The following PSCA variants were observed in gnomAD, a reference collection of about 807,000 sequenced individuals.
PSCA encodes prostate stem cell antigen.
A neutral mutation model predicts 7.9 loss-of-function variants in PSCA; 7 were observed. The ratio of observed to expected loss-of-function variants is 0.89; its 90% CI spans 0.51 to 1.67. The LOEUF is 1.67. PSCA is among the 40% of genes most tolerant of loss of function. The pLI is 0.00. For synonymous variants in PSCA, 61 were observed against 68.3 expected (o/e 0.89, Z 0.53); for missense variants, 151 against 147.9 (o/e 1.02, Z -0.11).
At chr8:142,671,522 T>A (rs1554637360) in intron 1 of PSCA, among the ~76,000 whole-genome samples, 1 of 152,174 alleles carries the variant, frequency 6.6e-6, no homozygotes. Flanking sequence ...AGGACAGCAA[T>A]AATAAACAAA....
chr8:142,672,646 T>A (rs1240658999), intron 1 of PSCA, among the ~76,000 whole-genome samples: 1 of 152,302 alleles, frequency 6.6e-6, no homozygotes, highest in East Asian at 1.9e-4. Context: ...CTGGGGTTCA[T>A]TGTCTCACAC....
In PSCA at chr8:142,681,196, C is replaced by A. The variant is rs587604817; in HGVS notation, c.26-131C>A. 71 of 641,512 alleles carry A rather than the reference C, an allele frequency of 1.1e-4. 2 individuals carry two copies. In the South Asian group the frequency reaches 1.3e-3, roughly 12 times the overall value. 39.7% of individuals were successfully genotyped at this position (641,512 alleles called of 1,614,324 possible). ...GGGGGCCGTGAAGATGGGGAGGAGACATTGAGGGTGACAAGAGGGCGCCGA... is the reference window on the plus strand; with the variant it reads ...GGGGGCCGTGAAGATGGGGAGGAGAAATTGAGGGTGACAAGAGGGCGCCGA... On this transcript the variant is annotated intron_variant, in intron 1 of 2. Coordinates refer to ENST00000301258, the MANE Select transcript of PSCA (RefSeq NM_005672.5).
At chr8:142,679,481 G>T (rs1385086529), upstream of PSCA, among the ~76,000 whole-genome samples, 1 of 152,246 alleles carries the variant, frequency 6.6e-6, no homozygotes, top group Non-Finnish European at 1.5e-5. Context: ...AGGGACCATG[G>T]CCTGTGACAC....
intron 1 of PSCA, among the ~76,000 whole-genome samples, chr8:142,670,782 A>G (rs1238954816): frequency 3.3e-5 from 5 of 152,202 alleles, no homozygotes; most frequent in Non-Finnish European, 5.9e-5. Flanking sequence ...TGCAAATGCA[A>G]TGAAGTTAAG....
chr8:142,674,248 T>C (rs1416033334), intron 1 of PSCA, among the ~76,000 whole-genome samples: 3 of 146,236 alleles, frequency 2.1e-5, no homozygotes, highest in Non-Finnish European at 4.5e-5. Context: ...CAGTCTAACC[T>C]CAGCAGAGCT....
At chr8:142,672,288 C>T (rs924421991) in intron 1 of PSCA, among the ~76,000 whole-genome samples, 7 of 151,852 alleles carry the variant, frequency 4.6e-5, no homozygotes, top group Non-Finnish European at 1.0e-4. Flanking sequence ...CCAATCCACA[C>T]CTCTGTGGTC....
rs922435811 is a variant in PSCA at position 142,681,853 on chromosome 8, A to C, written c.134-68A>C. 71 of 1,147,884 alleles carry C rather than the reference A, an allele frequency of 6.2e-5. No homozygotes were observed. In the East Asian group the frequency reaches 7.0e-4, roughly 11 times the overall value. 71.1% of individuals were successfully genotyped at this position (1,147,884 alleles called of 1,614,324 possible). On this transcript the variant is annotated intron_variant, in intron 2 of 2. Transcript: ENST00000301258. ...GCATTAGGCAGGGTGGGACAGGAGG[A>C]GGCCTGGGGCAGGTCAGGCAGGTGA...
At position 142,673,084 on chromosome 8, in the gene PSCA, C is replaced by T. The variant is rs1847354298; in HGVS notation, n.261+2516C>T. ...GCTGGCATTCACGCGTGCAAGCTTC[C>T]AGCTTGCTTGTCTTATGTTTGCGGC... On this transcript the variant is annotated intron_variant and non_coding_transcript_variant, in intron 1 of 1. Transcript: ENST00000505305. This position sits in a 1 kb window ranked among gnomAD's most constrained non-coding sequence, Gnocchi z 4.6. Among the ~76,000 whole-genome samples, 1 of 152,164 alleles carries T rather than the reference C, an allele frequency of 6.6e-6. No individual in the cohort carries two copies. Among genetic ancestry groups the T allele is most frequent in the Admixed American group, 6.5e-5 (1 of 15,278 alleles).
At chr8:142,680,439 C>A, upstream of PSCA, 1 of 1,406,668 alleles carries the variant, frequency 7.1e-7, no homozygotes, top group Non-Finnish European at 9.8e-7. Flanking sequence ...TGACTGTGGG[C>A]AGTCCAGCCT....
intron 1 of PSCA, among the ~76,000 whole-genome samples, chr8:142,674,389 C>G (rs1847372215): frequency 6.7e-6 from 1 of 150,022 alleles, no homozygotes; most frequent in Non-Finnish European, 1.5e-5. Flanking sequence ...CAGCAGAGCT[C>G]AGATCCCCCA....
chr8:142,671,931 C>T (rs1420893792), intron 1 of PSCA, among the ~76,000 whole-genome samples: 1 of 152,096 alleles, frequency 6.6e-6, no homozygotes, highest in Non-Finnish European at 1.5e-5. Context: ...ACTGACCAGG[C>T]CATTCTTTGG....
chr8:142,680,392 C>T, upstream of PSCA: 1 of 910,116 alleles, frequency 1.1e-6, no homozygotes, highest in Non-Finnish European at 1.7e-6. Flanking sequence ...CTGCCCAGCC[C>T]CGGGGCCCTC....
At chr8:142,678,948 ACCAC>A (rs60815595), upstream of PSCA, among the ~76,000 whole-genome samples, 67,230 of 148,678 alleles carry the variant, frequency 0.45, 15,011 homozygotes, top group Admixed American at 0.52. Context: ...AGCCGCTGCC[ACCAC>A]CCACCGCCCA....
upstream of PSCA, chr8:142,675,993 G>C (rs1847396729): frequency 6.6e-6 from 1 of 152,262 alleles, no homozygotes; most frequent in Admixed American, 6.5e-5. Context: ...ATGGGACCGT[G>C]TGGGGCCCCA....
rs1847363529 is a variant in PSCA, at chr8:142,673,783, C to T, written n.261+3215C>T. 6.6e-6 allele frequency among the ~76,000 whole-genome samples: 1 copy of T among 152,304 alleles called. No individual in the cohort carries two copies. Among genetic ancestry groups the T allele is most frequent in the South Asian group, 2.1e-4 (1 of 4,826 alleles). ...GGCCTCGCTAGAGCCATCCATCAGTCATTAGACGTGCAAAAACCTGAAACG... is the reference window on the plus strand; with the variant it reads ...GGCCTCGCTAGAGCCATCCATCAGTTATTAGACGTGCAAAAACCTGAAACG... On this transcript the variant is annotated intron_variant and non_coding_transcript_variant, in intron 1 of 1. Transcript: ENST00000505305. The surrounding 1 kb of genome is among the most constrained non-coding windows in gnomAD (Gnocchi z 4.6).
Position 142,680,517 on chromosome 8 carries a change from G to A in PSCA, c.-22G>A. 1 of 1,553,408 alleles carries A rather than the reference G, an allele frequency of 6.4e-7. No individual in the cohort carries two copies. The highest frequency in any genetic ancestry group is 8.7e-7 in the Non-Finnish European group (1 of 1,147,944). ...ACCACAGCCCACCAGTGACCACGAA[G>A]GCTGTGCTGCTTGCCCTGTTGATGG... is the stretch of plus-strand genomic sequence containing the variant. On this transcript the variant is annotated 5_prime_UTR_variant, in exon 1 of 3. Transcript: ENST00000301258.
chr8:142,672,051 C>T (rs1554637419), intron 1 of PSCA, among the ~76,000 whole-genome samples: 1 of 152,184 alleles, frequency 6.6e-6, no homozygotes. Flanking sequence ...TGCCAGGGCC[C>T]CTCCCCAGAA....
chr8:142,682,021 T>C lies in PSCA; in HGVS notation c.234T>C (p.Cys78=). The change falls in exon 3 of 3, where the codon TGT becomes TGC. Residue 78 remains cysteine (C), a synonymous_variant. Transcript: ENST00000301258. ...YYVGKKNITC[C]DTDLCNASGA... is the part of the protein sequence containing the mutation. ...TGGGCAAGAAGAACATCACGTGCTG[T>C]GACACCGACTTGTGCAACGCCAGCG... 2.5e-6 allele frequency: 4 copies of C among 1,613,260 alleles called. No homozygotes were observed. Among genetic ancestry groups the C allele is most frequent in the Non-Finnish European group, 3.4e-6 (4 of 1,179,774 alleles).
intron 2 of PSCA, chr8:142,681,694 T>TA: frequency 1.7e-6 from 1 of 604,654 alleles, no homozygotes. Flanking sequence ...TGAGCTCACT[T>TA]ACTCACTCAC....
Sources: allele counts gnomAD v4.1 joint callset (sites outside exome capture counted in the v4.1 genomes callset), GRCh38; gene constraint gnomAD v4.1.1; non-coding constraint Gnocchi (gnomAD v3.1); transcripts MANE v1.5; gene names NCBI Gene and HGNC (gene_info 2026-07-23, HGNC 2026-07-21).